Variants in TDRP observed in about 807,000 individuals in gnomAD.
The protein encoded by TDRP is testis development related protein.
A neutral mutation model predicts 10.5 loss-of-function variants in TDRP; 12 were observed. That is an observed-to-expected ratio of 1.15 (90% CI 0.73 to 1.86). The LOEUF (loss-of-function observed/expected upper bound fraction) is 1.86. Ranked by LOEUF, TDRP falls within the 40% of genes most tolerant of loss-of-function variation. TDRP has a pLI of 0.00. For synonymous variants in TDRP, 139 were observed against 95.4 expected (o/e 1.46, Z -2.67); for missense variants, 353 against 229.2 (o/e 1.54, Z -3.49).
At position 509,921 on chromosome 8, in the gene TDRP, CTGGGAACTGCT is replaced by C. The variant is rs960201281; in HGVS notation, c.109-15335_109-15325del. 1.2e-4 allele frequency among the ~76,000 whole-genome samples: 18 copies of C among 152,294 alleles called. No homozygotes were observed. In the East Asian group the frequency reaches 2.9e-3, roughly 24 times the overall value. On this transcript the variant is annotated intron_variant, in intron 1 of 2. Coordinates refer to ENST00000324079, the MANE Select transcript of TDRP (RefSeq NM_001384899.1). ...CACTAAGCTAAATGGAAAAGTCAAGCTGGGAACTGCTTGGGGCAAACCTGAGAAGTGGAGGT... is the reference window on the plus strand; with the variant it reads ...CACTAAGCTAAATGGAAAAGTCAAGCTGGGGCAAACCTGAGAAGTGGAGGT...
chr8:543,644 T>C (rs1224993398), intron 1 of TDRP, among the ~76,000 whole-genome samples: 1 of 151,868 alleles, frequency 6.6e-6, no homozygotes, highest in African/African-American at 2.4e-5. Context: ...GCGCTTAACA[T>C]AATCGGCTCC....
chr8:494,359 G>A (rs1407945649), intron 2 of TDRP, 135 bp downstream of exon 2: 6 of 726,564 alleles, frequency 8.3e-6, no homozygotes, highest in African/African-American at 7.0e-5. Flanking sequence ...GGAGTGGGGA[G>A]GGAAACATGG....
intron 1 of TDRP, among the ~76,000 whole-genome samples, chr8:527,810 C>G (rs1208516376): frequency 1.3e-5 from 2 of 152,124 alleles, no homozygotes; most frequent in Non-Finnish European, 2.9e-5. Context: ...TACGAAACTA[C>G]TAAAAGAAAA....
chr8:506,522 C>G (rs1801469629), intron 1 of TDRP, among the ~76,000 whole-genome samples: 2 of 152,206 alleles, frequency 1.3e-5, no homozygotes, highest in Admixed American at 1.3e-4. Context: ...AGCCCCACTC[C>G]CGGGAAGGAG....
At chr8:507,343 G>A (rs1459916098) in intron 1 of TDRP, among the ~76,000 whole-genome samples, 2 of 152,138 alleles carry the variant, frequency 1.3e-5, no homozygotes, top group Non-Finnish European at 2.9e-5. Context: ...CTGGCTTTCA[G>A]GGAAGAACTA....
At chr8:513,020 T>G (rs1801660047) in intron 1 of TDRP, among the ~76,000 whole-genome samples, 1 of 149,900 alleles carries the variant, frequency 6.7e-6, no homozygotes, top group African/African-American at 2.5e-5. Context: ...ATCAAAAGGC[T>G]ACCCAAAAAG....
At chr8:540,872 T>C (rs555305324) in intron 1 of TDRP, among the ~76,000 whole-genome samples, 3 of 150,432 alleles carry the variant, frequency 2.0e-5, no homozygotes, top group East Asian at 2.0e-4. Flanking sequence ...ACGGATATGA[T>C]TGCAAACTGA....
Position 494,528 on chromosome 8 carries a change from G to C in TDRP, c.178C>G (p.Leu60Val), listed in dbSNP as rs1801075864. The change falls in exon 2 of 3, where the codon CTC (leucine) becomes GTC (valine). Residue 60 changes from leucine (L) to valine (V), a missense_variant. By Grantham distance (32) the Leu-to-Val change is conservative. Transcript: ENST00000324079. ...SLFNKDDEQHLLERCKSPKSK... is the reference protein window; with the variant it reads ...SLFNKDDEQHVLERCKSPKSK... ...TTGGGAGATTTACATCTTTCCAGGA[G>C]ATGCTGCTCATCATCTTTGTTAAAC... is the stretch of plus-strand genomic sequence containing the variant. 1 of 1,613,822 alleles carries C rather than the reference G, an allele frequency of 6.2e-7. No individual in the cohort carries two copies. Among genetic ancestry groups the C allele is most frequent in the Admixed American group, 1.7e-5 (1 of 60,012 alleles).
At chr8:503,095 A>T (rs939180414) in intron 1 of TDRP, among the ~76,000 whole-genome samples, 1 of 151,982 alleles carries the variant, frequency 6.6e-6, no homozygotes, top group Non-Finnish European at 1.5e-5. Flanking sequence ...GTCAACATGG[A>T]ATCCAAAGCC....
At chr8:497,287 G>T (rs1036850561) in intron 1 of TDRP, among the ~76,000 whole-genome samples, 7 of 152,202 alleles carry the variant, frequency 4.6e-5, no homozygotes, top group Admixed American at 3.3e-4. Flanking sequence ...GGATTAGGTA[G>T]TCTCAAATGG....
intron 1 of TDRP, among the ~76,000 whole-genome samples, chr8:521,284 G>A (rs60020464): frequency 0.03 from 4,513 of 151,140 alleles, 244 homozygotes; most frequent in African/African-American, 0.11. Flanking sequence ...AGGCGTGGTG[G>A]TGGGCGCCTG....
At chr8:530,641 C>G (rs536183703) in intron 1 of TDRP, among the ~76,000 whole-genome samples, 3 of 152,224 alleles carry the variant, frequency 2.0e-5, no homozygotes, top group African/African-American at 7.2e-5. Context: ...TGTAATCTCT[C>G]GATCCCTCTG....
intron 1 of TDRP, among the ~76,000 whole-genome samples, chr8:516,553 A>T (rs908319757): frequency 3.3e-5 from 5 of 152,218 alleles, no homozygotes; most frequent in African/African-American, 1.2e-4. Flanking sequence ...TAAGACAGCA[A>T]CAAGACACTG....
chr8:494,943 G>T (rs1801085516), intron 1 of TDRP: 1 of 177,996 alleles, frequency 5.6e-6, no homozygotes, highest in Non-Finnish European at 1.2e-5. Context: ...TAAAACTTGG[G>T]AGATTGGGCT....
chr8:510,845 C>G (rs572154441), intron 1 of TDRP, among the ~76,000 whole-genome samples: 1 of 152,142 alleles, frequency 6.6e-6, no homozygotes, highest in African/African-American at 2.4e-5. Flanking sequence ...AGTACAGATA[C>G]ATTCTTATTT....
chr8:525,425 G>T (rs1291792002), intron 1 of TDRP, among the ~76,000 whole-genome samples: 1 of 152,082 alleles, frequency 6.6e-6, no homozygotes, highest in African/African-American at 2.4e-5. Context: ...TTATAACACT[G>T]TATTATACTG....
chr8:525,290 C>A (rs7837774), intron 1 of TDRP, among the ~76,000 whole-genome samples: 18 of 152,082 alleles, frequency 1.2e-4, no homozygotes, highest in Admixed American at 5.2e-4. Context: ...AACACCAGAT[C>A]TGTCCTACAA....
intron 1 of TDRP, among the ~76,000 whole-genome samples, chr8:527,499 C>A (rs1052413503): frequency 2.0e-5 from 3 of 152,042 alleles, no homozygotes; most frequent in Non-Finnish European, 4.4e-5. Context: ...AATCATGTTA[C>A]CCGACTTCAA....
At chr8:534,038 TTAATA>T (rs1802280496) in intron 1 of TDRP, among the ~76,000 whole-genome samples, 1 of 152,210 alleles carries the variant, frequency 6.6e-6, no homozygotes, top group Admixed American at 6.5e-5. Context: ...CCCTAGTTAT[TTAATA>T]TTTTTAAAAA....
Sources: gnomAD v4.1 joint callset for allele counts (sites outside exome capture counted in the v4.1 genomes callset) on GRCh38, gnomAD v4.1.1 for gene constraint, MANE v1.5 for transcripts, NCBI Gene and HGNC (gene_info 2026-07-23, HGNC 2026-07-21) for gene names.